The following NKAP variants were observed in gnomAD, a reference collection of about 807,000 sequenced individuals.
NKAP encodes the protein NF-kappa-B-activating protein.
In NKAP, 4 loss-of-function variants were observed where a neutral mutation model predicts 35.6. The ratio of observed to expected loss-of-function variants is 0.11; its 90% confidence interval spans 0.06 to 0.26. The LOEUF (loss-of-function observed/expected upper bound fraction) is 0.26, where lower values mean the gene tolerates loss of function less well. Among genes scored for constraint, NKAP ranks in the 10% least tolerant of loss-of-function variants. The pLI is 1.00. For synonymous variants in NKAP, 106 were observed against 119.2 expected (o/e 0.89, Z 0.72); for missense variants, 238 against 321.9 (o/e 0.74, Z 1.99).
rs1318136628 is a variant in NKAP at position 119,938,779 on chromosome X, A to G, written c.418T>C (p.Leu140=). The G allele has an allele frequency of 1.7e-6, 2 of 1,197,661 alleles. No homozygotes were observed. The highest frequency in any genetic ancestry group is 1.8e-5 in the African/African-American group (1 of 57,049). Residue 140 remains leucine (L), a synonymous_variant, in exon 2 of 9, where the codon TTG becomes CTG. Transcript: ENST00000371410. The part of the protein sequence containing the change: ...RLSERERIGE[L]GAPEVWGLSP... Reference sequence around the variant, plus strand: ...AGTCCCCATACTTCAGGAGCTCCCAATTCTCCAATTCTCTCTCTCTCACTT... The same window carrying G: ...AGTCCCCATACTTCAGGAGCTCCCAGTTCTCCAATTCTCTCTCTCTCACTT...
chrX:119,932,277 A>C, intron 5 of NKAP, 61 bp from the exon 6 acceptor site: 1 of 847,983 alleles, frequency 1.2e-6, no homozygotes, highest in Non-Finnish European at 1.7e-6. Context: ...GGGCATCTTA[A>C]TTTTTCTTTT....
Position 119,943,712 on chromosome X carries a change from A to C in NKAP, c.-107T>G. ...GGACCTGCCGCTGCGGAACAGCCCA[A>C]ATCTGAGGAAACCTTGGACACAGTT... On this transcript the variant is annotated 5_prime_UTR_variant, in exon 1 of 9. The change creates a new upstream start codon in the 5' untranslated region. Transcript: ENST00000371410. The C allele has an allele frequency of 1.1e-6, 1 of 919,029 alleles. No homozygotes were observed. The highest frequency in any genetic ancestry group is 1.5e-6 in the Non-Finnish European group (1 of 686,493). 75.7% of individuals were successfully genotyped at this position (919,029 alleles called of 1,213,427 possible).
intron 6 of NKAP, 26 bp from the exon 7 acceptor site, chrX:119,932,037 A>C: frequency 8.4e-7 from 1 of 1,188,784 alleles, no homozygotes; most frequent in Non-Finnish European, 1.1e-6. Context: ...TAAGAAACAC[A>C]TTCACATTCT....
intron 5 of NKAP, chrX:119,932,544 A>C (rs889177433): frequency 7.0e-6 from 1 of 143,496 alleles, no homozygotes; most frequent in Non-Finnish European, 1.3e-5. Flanking sequence ...ACTTGAGCCC[A>C]GGAGTTCGAG....
At position 119,932,023 on chromosome X, in the gene NKAP, A is replaced by G; in HGVS notation, c.848-12T>C. The G allele has an allele frequency of 1.7e-6, 2 of 1,201,584 alleles. No individual in the cohort carries two copies. Among genetic ancestry groups the G allele is most frequent in the Non-Finnish European group, 2.3e-6 (2 of 886,847 alleles). On this transcript the variant is annotated splice_polypyrimidine_tract_variant and intron_variant, in intron 6 of 8. Transcript: ENST00000371410. ...TGGTTCTTCAGCCTCTGCATGAAAG[A>G]TATTAAGAAACACATTCACATTCTG...
At position 119,925,255 on chromosome X, in the gene NKAP, C is replaced by T; in HGVS notation, c.1213G>A (p.Val405Ile). ...TCCTTCCCTTTGGTCTTTCTGTAAA[C>T]CATTTCTCGAAAACTGGCCAGAATC... The part of the protein sequence containing the change: ...NKILASFREM[V>I]YRKTKGKDDK The change falls in exon 9 of 9, where the codon GTT becomes ATT. Residue 405 changes from valine to isoleucine, a missense_variant. Coordinates refer to ENST00000371410, the MANE Select transcript of NKAP (RefSeq NM_024528.4). 4.1e-6 allele frequency: 5 copies of T among 1,210,987 alleles called. No homozygotes were observed. The highest frequency in any genetic ancestry group is 5.6e-6 in the Non-Finnish European group (5 of 895,366).
In NKAP at chrX:119,931,501, G is replaced by A. The variant is rs149466863; in HGVS notation, c.923+435C>T. Among the ~76,000 whole-genome samples the A allele has an allele frequency of 2.7e-3, 296 of 110,201 alleles. 1 individual carries two copies. Among genetic ancestry groups the A allele is most frequent in the Non-Finnish European group, 4.1e-3 (214 of 52,769 alleles). On this transcript the variant is annotated intron_variant, in intron 7 of 8. Coordinates refer to ENST00000371410, the MANE Select transcript of NKAP (RefSeq NM_024528.4). The stretch of plus-strand genomic sequence containing the variant: ...AGCCTGGGCAACAGAGCGAGACTCC[G>A]TCTCACAAAAAGAAAAAAAAATTCT...
chrX:119,936,941 C>A, intron 2 of NKAP: 1 of 249,509 alleles, frequency 4.0e-6, no homozygotes, highest in Non-Finnish European at 7.0e-6. Flanking sequence ...TTATCATTTG[C>A]ATAACACTTT....
At chrX:119,934,615 T>C (rs2056758707) in intron 4 of NKAP, 58 bp from the exon 5 acceptor site, 3 of 795,472 alleles carry the variant, frequency 3.8e-6, no homozygotes, top group Non-Finnish European at 3.6e-6. Context: ...AAAACCGTAG[T>C]ACTTTTGAGT....
At chrX:119,926,655 G>A (rs1231102502) in intron 8 of NKAP, among the ~76,000 whole-genome samples, 1 of 111,368 alleles carries the variant, frequency 9.0e-6, no homozygotes, top group African/African-American at 3.3e-5. Flanking sequence ...AACTTCCTAG[G>A]TGACATATCC....
At chrX:119,941,726 A>C (rs1330603848) in intron 1 of NKAP, among the ~76,000 whole-genome samples, 1 of 111,622 alleles carries the variant, frequency 9.0e-6, no homozygotes, top group Non-Finnish European at 1.9e-5. Flanking sequence ...CTCCAGCTCA[A>C]GTGATCCTCC....
In NKAP at chrX:119,922,815, T is replaced by C. The variant is rs1393377693; in HGVS notation, c.*2405A>G. ...TTTGAAAAACAACCACTTAAAAATA[T>C]AAGGCAAGCGGGCATTTTACAATAG... On this transcript the variant is annotated 3_prime_UTR_variant, in exon 9 of 9. Coordinates refer to ENST00000371410, the MANE Select transcript of NKAP (RefSeq NM_024528.4). The C allele has an allele frequency of 8.9e-6, 1 of 112,148 alleles. No individual in the cohort carries two copies. The highest frequency in any genetic ancestry group is 1.9e-5 in the Non-Finnish European group (1 of 53,297). The allele number at this position is 112,148 out of a possible 1,213,427, so 9.2% of individuals were successfully genotyped here.
chrX:119,934,346 T>C, intron 5 of NKAP, 148 bp downstream of exon 5: 1 of 349,256 alleles, frequency 2.9e-6, no homozygotes, highest in Non-Finnish European at 4.6e-6. Flanking sequence ...GACATGAGAA[T>C]CGCTTGAACC....
At chrX:119,934,979 T>C (rs915156684) in intron 4 of NKAP, among the ~76,000 whole-genome samples, 2 of 111,917 alleles carry the variant, frequency 1.8e-5, no homozygotes, top group African/African-American at 6.5e-5. Flanking sequence ...TTAATTATAC[T>C]ATTCTCTTCG....
chrX:119,934,888 A>G (rs1227506508), intron 4 of NKAP, among the ~76,000 whole-genome samples: 4 of 111,716 alleles, frequency 3.6e-5, no homozygotes, highest in Non-Finnish European at 7.5e-5. Flanking sequence ...AACTTTGACT[A>G]TCTCAGTGAA....
intron 4 of NKAP, 62 bp downstream of exon 4, chrX:119,936,234 TA>T: frequency 8.9e-7 from 1 of 1,120,252 alleles, no homozygotes; most frequent in Non-Finnish European, 1.2e-6. Flanking sequence ...TCTTCTAAAA[TA>T]AGTTTTAAGA....
Position 119,930,003 on chromosome X carries a change from G to A in NKAP, c.1073+13C>T, listed in dbSNP as rs769991780. 3.3e-5 allele frequency: 39 copies of A among 1,171,696 alleles called. No homozygotes were observed. The highest frequency in any genetic ancestry group is 4.4e-5 in the Non-Finnish European group (39 of 877,926). The stretch of plus-strand genomic sequence containing the variant: ...TCTAATCATGGAAACTGAGCTTAAT[G>A]CCAACAACATACCTGCTACCACTCA... On this transcript the variant is annotated intron_variant, in intron 8 of 8. Transcript: ENST00000371410.
In NKAP at chrX:119,943,558, G is replaced by A. The variant is rs753357891; in HGVS notation, c.48C>T (p.Gly16=). The A allele has an allele frequency of 8.3e-7, 1 of 1,200,001 alleles. No individual in the cohort carries two copies. Among genetic ancestry groups the A allele is most frequent in the Admixed American group, 2.2e-5 (1 of 45,323 alleles). The change falls in exon 1 of 9, where the codon GGC becomes GGT. Residue 16 remains glycine (G), a synonymous_variant. Coordinates refer to ENST00000371410, the MANE Select transcript of NKAP (RefSeq NM_024528.4). The stretch of plus-strand genomic sequence containing the variant: ...ACGAACTGCGACGTCTTCCCCCCGA[G>A]CCCGAGGCCTCCCTATCCGGGCTGC... ...GSRSPDREAS[G]SGGRRRSSSK... is the part of the protein sequence containing the mutation.
intron 1 of NKAP, among the ~76,000 whole-genome samples, chrX:119,940,354 C>CAA (rs386419406): frequency 1.2e-3 from 83 of 68,946 alleles, no homozygotes; most frequent in African/African-American, 3.3e-3. Flanking sequence ...AATAAAAAAC[C>CAA]AAAAAAAAAA....
Sources: allele counts gnomAD v4.1 joint callset (sites outside exome capture counted in the v4.1 genomes callset), GRCh38; gene constraint gnomAD v4.1.1; transcripts MANE v1.5; gene names NCBI Gene and HGNC (gene_info 2026-07-23, HGNC 2026-07-21).